GPC6: variants seen among roughly 807,000 people sequenced by gnomAD.
GPC6 encodes the protein glypican-6.
GPC6 carries 14 observed loss-of-function variants against 55.2 expected under a neutral mutation model. The ratio of observed to expected loss-of-function variants is 0.25; its 90% CI spans 0.17 to 0.40. The LOEUF (loss-of-function observed/expected upper bound fraction) is 0.40. Among genes scored for constraint, GPC6 ranks in the 10% least tolerant of loss-of-function variants. The pLI, the probability that GPC6 is intolerant of heterozygous loss-of-function variation, is 1.00. For missense variants in GPC6, 641 were observed against 708.5 expected (o/e 0.90, Z 1.08); for synonymous variants, 278 against 259.6 (o/e 1.07, Z -0.68).
intron 4 of GPC6, among the ~76,000 whole-genome samples, chr13:94,132,607 C>T (rs1343343256): frequency 6.6e-6 from 1 of 152,174 alleles, no homozygotes; most frequent in Non-Finnish European, 1.5e-5. Flanking sequence ...CCCTCCCCAG[C>T]CTCCTGGGTC....
At chr13:93,378,134 A>C (rs557784206) in intron 1 of GPC6, among the ~76,000 whole-genome samples, 1 of 152,332 alleles carries the variant, frequency 6.6e-6, no homozygotes, top group Admixed American at 6.5e-5. Context: ...GCAAAATATA[A>C]GTATTAAGAC....
chr13:93,945,905 A>G (rs1878985827), intron 3 of GPC6, among the ~76,000 whole-genome samples: 2 of 152,182 alleles, frequency 1.3e-5, no homozygotes, highest in Non-Finnish European at 2.9e-5. Flanking sequence ...TTTGTTCACC[A>G]ATGATATCAG....
At chr13:94,233,652 C>T (rs1490558962) in intron 4 of GPC6, among the ~76,000 whole-genome samples, 1 of 152,066 alleles carries the variant, frequency 6.6e-6, no homozygotes. Context: ...CACTTGGTAG[C>T]CGCCTTGATT....
intron 6 of GPC6, among the ~76,000 whole-genome samples, chr13:94,347,543 A>C (rs1257245338): frequency 6.6e-6 from 1 of 152,206 alleles, no homozygotes; most frequent in Non-Finnish European, 1.5e-5. Flanking sequence ...TTTTTCTTTG[A>C]GATGAAAATG....
chr13:94,373,423 G>A (rs1310876829), intron 6 of GPC6, among the ~76,000 whole-genome samples: 1 of 152,144 alleles, frequency 6.6e-6, no homozygotes, highest in Non-Finnish European at 1.5e-5. Context: ...AAATGCAGAA[G>A]CCTCAGGAGC....
At chr13:93,850,997 G>A (rs1398531559) in intron 3 of GPC6, among the ~76,000 whole-genome samples, 1 of 151,954 alleles carries the variant, frequency 6.6e-6, no homozygotes, top group East Asian at 1.9e-4. Context: ...GTTGTAGGCT[G>A]TACTTCATTG....
chr13:93,643,851 G>C (rs1880062056), intron 2 of GPC6, among the ~76,000 whole-genome samples: 1 of 152,012 alleles, frequency 6.6e-6, no homozygotes, highest in Admixed American at 6.6e-5. Context: ...AGGTTAGCCA[G>C]CCTTCTCCTT....
intron 1 of GPC6, among the ~76,000 whole-genome samples, chr13:93,478,263 A>C (rs2139337910): frequency 6.6e-6 from 1 of 152,278 alleles, no homozygotes; most frequent in African/African-American, 2.4e-5. Flanking sequence ...CAGGTCTCAC[A>C]GCCATTTTTT....
upstream of GPC6, among the ~76,000 whole-genome samples, chr13:93,223,450 TTTG>T (rs1420207414): frequency 1.3e-5 from 2 of 152,060 alleles, no homozygotes; most frequent in African/African-American, 4.8e-5. Context: ...TGTTGTTTGT[TTTG>T]TTTTTTTTGA....
intron 5 of GPC6, among the ~76,000 whole-genome samples, chr13:94,288,611 ACTT>A (rs1874674827): frequency 6.7e-6 from 1 of 149,454 alleles, no homozygotes; most frequent in African/African-American, 2.5e-5. Context: ...CCTTGAGTAT[ACTT>A]GTAGCTCCTC....
At chr13:93,237,551 G>T (rs1215210523) in intron 1 of GPC6, among the ~76,000 whole-genome samples, 1 of 151,980 alleles carries the variant, frequency 6.6e-6, no homozygotes. Context: ...CCTTTGCTAT[G>T]CAGAAGCTTG....
At chr13:93,792,179 T>G (rs772899067) in intron 2 of GPC6, among the ~76,000 whole-genome samples, 10 of 152,256 alleles carry the variant, frequency 6.6e-5, no homozygotes, top group Non-Finnish European at 1.3e-4. Flanking sequence ...CTTGCCTTCA[T>G]GCAGGTGATA....
intron 1 of GPC6, among the ~76,000 whole-genome samples, chr13:93,391,007 A>C: frequency 6.6e-6 from 1 of 152,048 alleles, no homozygotes; most frequent in Non-Finnish European, 1.5e-5. Context: ...ATGGGGAAGA[A>C]TCTGCTTTAT....
chr13:94,281,174 T>C (rs985024026), intron 4 of GPC6, among the ~76,000 whole-genome samples: 1 of 152,170 alleles, frequency 6.6e-6, no homozygotes, highest in Non-Finnish European at 1.5e-5. Context: ...TAAAAACATA[T>C]CTTTTTGTAA....
intron 3 of GPC6, among the ~76,000 whole-genome samples, chr13:93,978,131 G>T (rs1277203401): frequency 6.6e-6 from 1 of 152,110 alleles, no homozygotes; most frequent in East Asian, 1.9e-4. Flanking sequence ...AGCTTTATTT[G>T]GTTTTGAAGA....
intron 4 of GPC6, among the ~76,000 whole-genome samples, chr13:94,190,563 T>A (rs1889358392): frequency 6.6e-6 from 1 of 152,210 alleles, no homozygotes; most frequent in Non-Finnish European, 1.5e-5. Context: ...ATCCTAGTCT[T>A]CATCCTGGGC....
intron 2 of GPC6, among the ~76,000 whole-genome samples, chr13:93,720,544 GT>G (rs1883419351): frequency 6.6e-6 from 1 of 151,714 alleles, no homozygotes; most frequent in Admixed American, 6.6e-5. Flanking sequence ...TTTTTGAAGG[GT>G]TTTTCCTGTC....
intron 1 of GPC6, among the ~76,000 whole-genome samples, chr13:93,405,118 T>C (rs958527412): frequency 1.3e-5 from 2 of 152,180 alleles, no homozygotes; most frequent in African/African-American, 4.8e-5. Context: ...GAAGCAAATA[T>C]ACAAGAAGAA....
rs1210471471 is a variant in GPC6, at chr13:94,163,215, A to G, written c.878-123134A>G. Among the ~76,000 whole-genome samples the G allele has an allele frequency of 1.3e-5, 2 of 152,178 alleles. 1 individual carries two copies. The highest frequency in any genetic ancestry group is 4.1e-4 in the South Asian group (2 of 4,828). On this transcript the variant is annotated intron_variant, in intron 4 of 8. Transcript: ENST00000377047. ...ATTTTTATTATGGGAATTTTTAATC[A>G]TATGCAAAAATAGGTGGAACAGTAT...
Sources: gnomAD v4.1 joint callset for allele counts (sites outside exome capture counted in the v4.1 genomes callset) on GRCh38, gnomAD v4.1.1 for gene constraint, MANE v1.5 for transcripts, NCBI Gene and HGNC (gene_info 2026-07-23, HGNC 2026-07-21) for gene names.